The following NKAIN2 variants were observed in gnomAD, a reference collection of about 807,000 sequenced individuals.
The protein encoded by NKAIN2 is sodium/potassium transporting ATPase interacting 2.
A neutral mutation model predicts 32.6 loss-of-function variants in NKAIN2; 14 were observed. That is an observed-to-expected ratio of 0.43 (90% CI 0.28 to 0.67). NKAIN2 has a LOEUF of 0.67. Ranked by LOEUF, NKAIN2 falls within the 30% of genes least tolerant of loss-of-function variation. The probability of loss-of-function intolerance (pLI) is 0.17; values close to 1 mark genes in which losing one functional copy is unlikely to be tolerated. For missense variants in NKAIN2, 198 were observed against 258.3 expected, an observed-to-expected ratio of 0.77 and a Z score of 1.60; for synonymous variants, 80 against 87.2, an observed-to-expected ratio of 0.92 and a Z score of 0.46.
intron 3 of NKAIN2, among the ~76,000 whole-genome samples, chr6:124,649,653 C>A (rs1018950992): frequency 6.4e-4 from 98 of 151,976 alleles, no homozygotes; most frequent in Non-Finnish European, 2.2e-4. Context: ...CAGACAAAGG[C>A]AGCACAAAAA....
intron 1 of NKAIN2, among the ~76,000 whole-genome samples, chr6:123,893,396 G>A (rs183128967): frequency 1.2e-4 from 19 of 152,202 alleles, no homozygotes; most frequent in Admixed American, 1.2e-3. Flanking sequence ...TTTTAGAGAT[G>A]GGGTCTTGCT....
intron 1 of NKAIN2, among the ~76,000 whole-genome samples, chr6:123,967,642 A>G (rs1402413294): frequency 6.6e-6 from 1 of 152,120 alleles, no homozygotes; most frequent in African/African-American, 2.4e-5. Flanking sequence ...AACAAAGCCA[A>G]TGTAACATCA....
At chr6:124,387,298 T>G (rs1461387159) in intron 3 of NKAIN2, among the ~76,000 whole-genome samples, 1 of 148,324 alleles carries the variant, frequency 6.7e-6, no homozygotes, top group African/African-American at 2.5e-5. Flanking sequence ...TTAAAGGTTT[T>G]TTTTTTTTTT....
chr6:124,049,703 C>T (rs910800300), intron 1 of NKAIN2, among the ~76,000 whole-genome samples: 13 of 152,046 alleles, frequency 8.6e-5, no homozygotes, highest in African/African-American at 3.1e-4. Context: ...CCACCTGGAA[C>T]ATGAATCCTC....
chr6:123,920,437 A>G lies in NKAIN2; in HGVS notation c.54+116183A>G, dbSNP rs573491036. On this transcript the variant is annotated intron_variant, in intron 1 of 6. Transcript: ENST00000368417. ...GTGGCAATATGAACAAAATATTTTC[A>G]TTACTATTTCATTTTCAGAAGCACA... Among the ~76,000 whole-genome samples, 5 of 152,216 alleles carry G rather than the reference A, an allele frequency of 3.3e-5. No individual in the cohort carries two copies. In the East Asian group the frequency reaches 7.7e-4, roughly 24 times the overall value.
At chr6:124,665,506 C>A (rs1435789723) in intron 4 of NKAIN2, among the ~76,000 whole-genome samples, 1 of 152,162 alleles carries the variant, frequency 6.6e-6, no homozygotes, top group African/African-American at 2.4e-5. Context: ...CAGTAGTTCT[C>A]TATACTGGCT....
At chr6:124,283,417 T>C (rs1000966307) in intron 2 of NKAIN2, 1 of 253,188 alleles carries the variant, frequency 3.9e-6, no homozygotes, top group Non-Finnish European at 7.6e-6. Context: ...TGTGTTTCTA[T>C]GTTTCTACAT....
At chr6:124,162,099 G>A (rs1788310360) in intron 1 of NKAIN2, among the ~76,000 whole-genome samples, 1 of 152,234 alleles carries the variant, frequency 6.6e-6, no homozygotes, top group African/African-American at 2.4e-5. Flanking sequence ...GAGACCTGAT[G>A]TTAAATCTAG....
intron 2 of NKAIN2, among the ~76,000 whole-genome samples, chr6:124,308,503 G>A (rs1796600196): frequency 6.6e-6 from 1 of 152,142 alleles, no homozygotes; most frequent in Non-Finnish European, 1.5e-5. Context: ...ATTTAAAGCT[G>A]AAATATTTCC....
chr6:124,091,894 A>C (rs1025770008), intron 1 of NKAIN2, among the ~76,000 whole-genome samples: 2 of 151,900 alleles, frequency 1.3e-5, no homozygotes, highest in African/African-American at 4.8e-5. Context: ...ACTTATTCTT[A>C]CCTGGGACTT....
intron 3 of NKAIN2, among the ~76,000 whole-genome samples, chr6:124,372,418 C>T (rs1400931754): frequency 6.6e-6 from 1 of 152,074 alleles, no homozygotes; most frequent in Non-Finnish European, 1.5e-5. Flanking sequence ...AAGCTGTCCA[C>T]TCACTTGAGC....
chr6:124,763,725 A>G (rs376853664), intron 4 of NKAIN2, among the ~76,000 whole-genome samples: 1 of 152,192 alleles, frequency 6.6e-6, no homozygotes, highest in Admixed American at 6.5e-5. Flanking sequence ...TAAGGTAATA[A>G]ATATGTTAAC....
chr6:124,066,618 G>C (rs573428062), intron 1 of NKAIN2, among the ~76,000 whole-genome samples: 1 of 152,110 alleles, frequency 6.6e-6, no homozygotes, highest in Non-Finnish European at 1.5e-5. Flanking sequence ...TAGGTCCTGA[G>C]ACCATTATAA....
intron 3 of NKAIN2, among the ~76,000 whole-genome samples, chr6:124,648,078 C>A (rs1442311679): frequency 6.6e-6 from 1 of 152,174 alleles, no homozygotes; most frequent in Non-Finnish European, 1.5e-5. Context: ...ACACTTTACT[C>A]AAGACCATTG....
At chr6:124,706,772 C>T (rs1775095206) in intron 4 of NKAIN2, among the ~76,000 whole-genome samples, 1 of 152,096 alleles carries the variant, frequency 6.6e-6, no homozygotes, top group African/African-American at 2.4e-5. Context: ...GACTGTCCAA[C>T]TGAAAAACTA....
At position 124,286,661 on chromosome 6, in the gene NKAIN2, T is replaced by TGTGTGTGTGTGTGCGCGCGC. The variant is rs1161484191; in HGVS notation, c.192+3533_192+3552dup. Among the ~76,000 whole-genome samples, 141 of 123,184 alleles carry TGTGTGTGTGTGTGCGCGCGC rather than the reference T, an allele frequency of 1.1e-3. 1 individual carries two copies. Among genetic ancestry groups the TGTGTGTGTGTGTGCGCGCGC allele is most frequent in the Admixed American group, 1.6e-3 (22 of 13,482 alleles). 80.8% of individuals were successfully genotyped at this position (123,184 alleles called of 152,430 possible). A position where few individuals can be genotyped will look rare whatever the true frequency, so the allele number is the denominator to read the frequency against. On this transcript the variant is annotated intron_variant, in intron 2 of 6. Coordinates refer to ENST00000368417, the MANE Select transcript of NKAIN2 (RefSeq NM_001040214.3). ...GGAAAATTGTGTGTGTGTGTGTGTG[T>TGTGTGTGTGTGTGCGCGCGC]GTGTGTGTGTGTGCGCGCGCGTGTG...
intron 1 of NKAIN2, among the ~76,000 whole-genome samples, chr6:123,809,504 A>G (rs745515730): frequency 1.3e-5 from 2 of 152,168 alleles, no homozygotes; most frequent in Non-Finnish European, 2.9e-5. Context: ...TTCTTTCTCC[A>G]GGTTATGGTA....
chr6:124,403,247 G>C lies in NKAIN2; in HGVS notation c.273+47900G>C, dbSNP rs1036539265. 2.6e-5 allele frequency among the ~76,000 whole-genome samples: 4 copies of C among 151,768 alleles called. No homozygotes were observed. The East Asian group carries it at 5.8e-4, about 22-fold the overall frequency. On this transcript the variant is annotated intron_variant, in intron 3 of 6. Transcript: ENST00000368417. Reference sequence around the variant, plus strand: ...CATATTTTACATTTTGATGCTAAACGTTCTCTTTTAAATTCCATTTTTAAA... The same window carrying C: ...CATATTTTACATTTTGATGCTAAACCTTCTCTTTTAAATTCCATTTTTAAA...
At chr6:124,515,581 A>G (rs1283396778) in intron 3 of NKAIN2, among the ~76,000 whole-genome samples, 1 of 151,990 alleles carries the variant, frequency 6.6e-6, no homozygotes, top group Non-Finnish European at 1.5e-5. Context: ...TTCGTGACAA[A>G]TCTATCCCCA....
Sources: gnomAD v4.1 joint callset for allele counts (sites outside exome capture counted in the v4.1 genomes callset) on GRCh38, gnomAD v4.1.1 for gene constraint, MANE v1.5 for transcripts, NCBI Gene and HGNC (gene_info 2026-07-23, HGNC 2026-07-21) for gene names.